Variants in BRIX1 observed in about 807,000 individuals in gnomAD.
BRIX1 encodes the protein ribosome biogenesis protein BRX1 homolog.
In BRIX1, 15 loss-of-function variants were observed where a neutral mutation model predicts 44.0. The ratio of observed to expected loss-of-function variants is 0.34; its 90% CI spans 0.23 to 0.53. BRIX1 has a LOEUF of 0.53. Ranked by LOEUF, BRIX1 falls within the 20% of genes least tolerant of loss-of-function variation. The pLI is 0.95. For synonymous variants in BRIX1, 149 were observed against 135.4 expected (o/e 1.10, Z -0.70); for missense variants, 420 against 432.8 (o/e 0.97, Z 0.26).
In BRIX1 at chr5:34,915,870, G is replaced by T; in HGVS notation, c.132G>T (p.Arg44Ser). The T allele has an allele frequency of 6.4e-7, 1 of 1,561,426 alleles. No individual in the cohort carries two copies. The highest frequency in any genetic ancestry group is 8.7e-7 in the Non-Finnish European group (1 of 1,152,754). The change falls in exon 1 of 10, where the codon AGG (arginine) becomes AGT (serine). Residue 44 changes from arginine (R) to serine (S), a missense_variant. Physicochemically the swap from Arg to Ser is moderately radical, Grantham distance 110. Transcript: ENST00000336767. ...ATAEEVEEEE[R>S]DRIPGPVCKG... is the part of the protein sequence containing the mutation. ...CAGAGGAGGTGGAGGAAGAAGAGAG[G>T]GACCGGATCCCAGGCCCCGTTTGCA...
At chr5:34,923,557 C>T (rs976719466) in intron 8 of BRIX1, among the ~76,000 whole-genome samples, 2 of 152,100 alleles carry the variant, frequency 1.3e-5, no homozygotes, top group African/African-American at 2.4e-5. Context: ...GGATTCCAGG[C>T]GTGAGCCACT....
intron 8 of BRIX1, 25 bp downstream of exon 8, chr5:34,923,259 A>G: frequency 6.8e-7 from 1 of 1,480,378 alleles, no homozygotes; most frequent in Middle Eastern, 1.7e-4. Context: ...ATTTTTAATT[A>G]TACCTTTTTT....
At position 34,923,244 on chromosome 5, in the gene BRIX1, A is replaced by G; in HGVS notation, c.663+10A>G. On this transcript the variant is annotated intron_variant, in intron 8 of 9. Transcript: ENST00000336767. ...GTTTCGGAACTTTCAGGTAAGCTTT[A>G]CTTGATTTTTAATTATACCTTTTTT... 1.3e-6 allele frequency: 2 copies of G among 1,562,272 alleles called. No individual in the cohort carries two copies. The highest frequency in any genetic ancestry group is 1.8e-6 in the Non-Finnish European group (2 of 1,133,730).
chr5:34,924,423 G>A (rs1764308252), intron 8 of BRIX1, among the ~76,000 whole-genome samples: 1 of 152,078 alleles, frequency 6.6e-6, no homozygotes, highest in South Asian at 2.1e-4. Flanking sequence ...AAATAAATTT[G>A]ACTACATATC....
chr5:34,925,190 T>C (rs975719973), intron 9 of BRIX1, 36 bp from the exon 10 acceptor site: 3 of 1,521,936 alleles, frequency 2.0e-6, no homozygotes, highest in African/African-American at 2.9e-5. Context: ...TTTATTTTTA[T>C]TTCAAAAGCA....
chr5:34,917,355 C>T (rs934206727), intron 1 of BRIX1, among the ~76,000 whole-genome samples: 1 of 152,104 alleles, frequency 6.6e-6, no homozygotes, highest in African/African-American at 2.4e-5. Flanking sequence ...TAAAAATGGT[C>T]CAGCGTGGTG....
chr5:34,918,551 ATTC>A lies in BRIX1; in HGVS notation c.271+80_271+82del, dbSNP rs1333425622. 2.3e-5 allele frequency: 19 copies of A among 844,102 alleles called. No individual in the cohort carries two copies. The East Asian group carries it at 3.0e-4, about 13-fold the overall frequency. 52.3% of individuals were successfully genotyped at this position (844,102 alleles called of 1,614,324 possible). Reference sequence around the variant, plus strand: ...TTTTATGTTTTCACTTATTTTATATATTCTTCATTTGTTCAGTGTTCTCACGAA... The same window carrying A: ...TTTTATGTTTTCACTTATTTTATATATTCATTTGTTCAGTGTTCTCACGAA... On this transcript the variant is annotated intron_variant, in intron 2 of 9. Transcript: ENST00000336767.
chr5:34,917,866 G>T (rs1354319850), intron 1 of BRIX1, among the ~76,000 whole-genome samples: 1 of 152,060 alleles, frequency 6.6e-6, no homozygotes, highest in East Asian at 1.9e-4. Context: ...TTTTAGGGTT[G>T]GAAGGAGGAA....
At chr5:34,922,653 C>T (rs764551450) in intron 5 of BRIX1, 42 bp from the exon 6 acceptor site, 6 of 1,588,100 alleles carry the variant, frequency 3.8e-6, no homozygotes, top group Non-Finnish European at 5.2e-6. Flanking sequence ...AATAGTTGTG[C>T]AAAAGTTACA....
intron 3 of BRIX1, chr5:34,920,113 G>A (rs1764209279): frequency 3.0e-6 from 1 of 330,794 alleles, no homozygotes; most frequent in Non-Finnish European, 5.6e-6. Context: ...CTCAGGAGAA[G>A]GATTATGTCC....
At chr5:34,922,060 A>G (rs1463811064) in intron 3 of BRIX1, 157 bp from the exon 4 acceptor site, 1 of 425,360 alleles carries the variant, frequency 2.4e-6, no homozygotes, top group East Asian at 3.6e-5. Flanking sequence ...AGGAACTTTA[A>G]AGGTTCCTTC....
chr5:34,915,753 G>T lies in BRIX1; in HGVS notation c.15G>T (p.Lys5Asn). The stretch of plus-strand genomic sequence containing the variant: ...GGCGAGGCAAGATGGCGGCAACCAA[G>T]AGGAAACGGCGTGGAGGCTTTGCAG... MAAT[K>N]RKRRGGFAVQ... The change falls in exon 1 of 10, where the codon AAG becomes AAT. Residue 5 changes from lysine to asparagine, a missense_variant. Physicochemically the swap from Lys to Asn is moderately conservative, Grantham distance 94. Coordinates refer to ENST00000336767, the MANE Select transcript of BRIX1 (RefSeq NM_018321.4). The T allele has an allele frequency of 6.2e-7, 1 of 1,603,776 alleles. No homozygotes were observed. The highest frequency in any genetic ancestry group is 8.5e-7 in the Non-Finnish European group (1 of 1,175,372).
intron 1 of BRIX1, among the ~76,000 whole-genome samples, chr5:34,917,499 G>T (rs1388167883): frequency 6.6e-6 from 1 of 152,000 alleles, no homozygotes; most frequent in Admixed American, 6.5e-5. Flanking sequence ...AATCAGCCAG[G>T]TGCAGTGGCG....
At chr5:34,916,082 C>G (rs1764075831) in intron 1 of BRIX1, 185 bp downstream of exon 1, 2 of 622,526 alleles carry the variant, frequency 3.2e-6, no homozygotes, top group Non-Finnish European at 5.0e-6. Context: ...TGCACGTGGC[C>G]GTCTTCCTGG....
chr5:34,925,137 G>T, intron 9 of BRIX1, 89 bp from the exon 10 acceptor site: 1 of 1,448,046 alleles, frequency 6.9e-7, no homozygotes. Context: ...TGGCTGAAAG[G>T]ATATATGGTT....
At position 34,925,405 on chromosome 5, in the gene BRIX1, G is replaced by A. The variant is rs1764355507; in HGVS notation, c.972G>A (p.Glu324=). Residue 324 remains glutamate (E), a synonymous_variant, in exon 10 of 10, where the codon GAG becomes GAA. Transcript: ENST00000336767. ...TAGAAATACAGTGGGTAAAACCAGA[G>A]CCAAAAGTTGATTTGAAAGCAAGAA... The part of the protein sequence containing the change: ...KPIEIQWVKP[E]PKVDLKARKK... 6.2e-7 allele frequency: 1 copy of A among 1,613,758 alleles called. No individual in the cohort carries two copies. The highest frequency in any genetic ancestry group is 1.3e-5 in the African/African-American group (1 of 75,000).
At chr5:34,923,646 A>G (rs1171591439) in intron 8 of BRIX1, among the ~76,000 whole-genome samples, 1 of 152,076 alleles carries the variant, frequency 6.6e-6, no homozygotes, top group Non-Finnish European at 1.5e-5. Flanking sequence ...CTGGCCTCAA[A>G]TCATTCCTCC....
intron 1 of BRIX1, chr5:34,918,142 A>C (rs77413689): frequency 4.4e-6 from 1 of 229,292 alleles, no homozygotes; most frequent in Admixed American, 5.7e-5. Context: ...CATCTCTACA[A>C]AAAAAAAAAA....
intron 1 of BRIX1, among the ~76,000 whole-genome samples, chr5:34,916,924 C>G (rs771879092): frequency 3.2e-4 from 46 of 142,394 alleles, no homozygotes; most frequent in Non-Finnish European, 5.4e-4. Flanking sequence ...TTGTACACTT[C>G]CAGTAAATGT....
Sources: allele counts gnomAD v4.1 joint callset (sites outside exome capture counted in the v4.1 genomes callset), GRCh38; gene constraint gnomAD v4.1.1; transcripts MANE v1.5; gene names NCBI Gene and HGNC (gene_info 2026-07-23, HGNC 2026-07-21).